Variants in IRS1 observed in about 807,000 individuals in gnomAD.
IRS1 encodes insulin receptor substrate 1.
Under a neutral mutation model 65.6 loss-of-function variants are expected in IRS1, and 34 were observed. The ratio of observed to expected loss-of-function variants is 0.52; its 90% CI spans 0.39 to 0.69. The LOEUF (loss-of-function observed/expected upper bound fraction) is 0.69. IRS1 is among the 30% of genes least tolerant of loss of function. IRS1 has a pLI of 0.00. For synonymous variants in IRS1, 699 were observed against 683.5 expected (o/e 1.02, Z -0.35); for missense variants, 1,641 against 1,720.2 (o/e 0.95, Z 0.81).
At chr2:226,777,745 A>G (rs970208186) in intron 1 of IRS1, among the ~76,000 whole-genome samples, 1 of 152,150 alleles carries the variant, frequency 6.6e-6, no homozygotes. Context: ...TTCCATCCAC[A>G]TAAGATGTGA....
chr2:226,796,476 C>A lies in IRS1; in HGVS notation c.2263G>T (p.Asp755Tyr), dbSNP rs143341783. 1.8e-4 allele frequency: 286 copies of A among 1,613,654 alleles called. No homozygotes were observed. Among genetic ancestry groups the A allele is most frequent in the Non-Finnish European group, 2.2e-4 (254 of 1,180,042 alleles). Residue 755 changes from aspartate to tyrosine, a missense_variant, in exon 1 of 2, where the codon GAC (aspartate) becomes TAC (tyrosine). Asp to Tyr is a radical substitution (Grantham distance 160). Around this residue, in one of 3 missense-constraint regions of IRS1, gnomAD observed 1,324 missense variants for 1,361.0 expected, o/e 0.97. Transcript: ENST00000305123. ...SPSDCYYGPE[D>Y]PQHKPVLSYY... is the part of the protein sequence containing the mutation. Reference sequence around the variant, plus strand: ...GAGAGGACTGGCTTGTGCTGGGGGTCCTCAGGGCCGTAGTAGCAGTCGGAG... The same window carrying A: ...GAGAGGACTGGCTTGTGCTGGGGGTACTCAGGGCCGTAGTAGCAGTCGGAG...
chr2:226,772,677 T>TAAAAAAA (rs58764928), intron 1 of IRS1, among the ~76,000 whole-genome samples: 1 of 108,632 alleles, frequency 9.2e-6, no homozygotes, highest in African/African-American at 3.2e-5. Context: ...ACATGGACAG[T>TAAAAAAA]AAAAAAAAAA....
At chr2:226,748,625 C>T (rs537660398) in intron 1 of IRS1, among the ~76,000 whole-genome samples, 5 of 151,940 alleles carry the variant, frequency 3.3e-5, no homozygotes, top group African/African-American at 1.2e-4. Flanking sequence ...ATCCACACCT[C>T]GGAAGATAAT....
At chr2:226,782,123 C>T (rs1939395075) in intron 1 of IRS1, among the ~76,000 whole-genome samples, 1 of 151,696 alleles carries the variant, frequency 6.6e-6, no homozygotes, top group Non-Finnish European at 1.5e-5. Context: ...GGAAGGGGGG[C>T]AGAGGGAGCT....
intron 1 of IRS1, among the ~76,000 whole-genome samples, chr2:226,742,726 A>AAAAAAAAG (rs1431863272): frequency 1.4e-5 from 2 of 147,788 alleles, no homozygotes; most frequent in Non-Finnish European, 1.5e-5. Context: ...AAAAAAAAAA[A>AAAAAAAAG]AGAAGACCGA....
chr2:226,736,957 T>A (rs1399634329), intron 1 of IRS1, among the ~76,000 whole-genome samples: 1 of 152,118 alleles, frequency 6.6e-6, no homozygotes, highest in Non-Finnish European at 1.5e-5. Flanking sequence ...TTTTTATTAT[T>A]ATACTTTAAG....
At chr2:226,792,540 A>G (rs1296895440) in intron 1 of IRS1, among the ~76,000 whole-genome samples, 1 of 152,254 alleles carries the variant, frequency 6.6e-6, no homozygotes, top group Non-Finnish European at 1.5e-5. Context: ...ACTGGACTAC[A>G]GGTAAAGCAG....
At chr2:226,740,754 A>G (rs1475731186) in intron 1 of IRS1, among the ~76,000 whole-genome samples, 1 of 152,214 alleles carries the variant, frequency 6.6e-6, no homozygotes, top group African/African-American at 2.4e-5. Context: ...GGGAAATAAG[A>G]GTAAAATATT....
rs763278208 is a variant in IRS1, at chr2:226,735,084, G to A, written c.*1188C>T. ...AACACTTACTGGAATTTTAATTTCT[G>A]GTTAGCAACAGCTCACTTGCCTTAC... On this transcript the variant is annotated 3_prime_UTR_variant, in exon 2 of 2. Coordinates refer to ENST00000305123, the MANE Select transcript of IRS1 (RefSeq NM_005544.3). The A allele has an allele frequency of 6.6e-6, 1 of 152,128 alleles. No homozygotes were observed. Among genetic ancestry groups the A allele is most frequent in the Non-Finnish European group, 1.5e-5 (1 of 68,020 alleles). The allele number at this position is 152,128 out of a possible 1,614,324, so 9.4% of individuals were successfully genotyped here. A position where few individuals can be genotyped will look rare whatever the true frequency, so the allele number is the denominator to read the frequency against.
intron 1 of IRS1, among the ~76,000 whole-genome samples, chr2:226,762,850 A>C (rs1253273436): frequency 6.6e-6 from 1 of 152,230 alleles, no homozygotes; most frequent in East Asian, 1.9e-4. Flanking sequence ...AATCAGCTCA[A>C]AGTGACAAGC....
At position 226,735,651 on chromosome 2, in the gene IRS1, A is replaced by T. The variant is rs1938310480; in HGVS notation, c.*621T>A. 6.6e-6 allele frequency: 1 copy of T among 152,646 alleles called. No homozygotes were observed. Among genetic ancestry groups the T allele is most frequent in the Non-Finnish European group, 1.5e-5 (1 of 68,040 alleles). The allele number at this position is 152,646 out of a possible 1,614,324, so 9.5% of individuals were successfully genotyped here. A position where few individuals can be genotyped will look rare whatever the true frequency, so the allele number is the denominator to read the frequency against. The stretch of plus-strand genomic sequence containing the variant: ...GAATTACAATCTTAAAACAAGGATC[A>T]TACCCTATTCTACTCTTTTAAGCCT... On this transcript the variant is annotated 3_prime_UTR_variant, in exon 2 of 2. Transcript: ENST00000305123.
rs183414071 is a variant in IRS1, at chr2:226,795,447, T to A, written c.3292A>T (p.Arg1098Trp). 1.1e-5 allele frequency: 18 copies of A among 1,613,536 alleles called. No homozygotes were observed. The highest frequency in any genetic ancestry group is 1.6e-4 in the Middle Eastern group (1 of 6,062). Residue 1098 changes from arginine (R) to tryptophan (W), a missense_variant, in exon 1 of 2, where the codon AGG becomes TGG. Physicochemically the swap from Arg to Trp is moderately radical, Grantham distance 101. This residue lies in a region of IRS1 where 1,324 missense variants were observed against 1,361.0 expected (regional missense o/e 0.97). Transcript: ENST00000305123. ...IRADPQGCRR[R>W]HSSETFSSTP... ...GAGGAGAAAGTCTCGGAGCTATGCC[T>A]CCGCCGGCACCCTTGTGGGTCTGCA... is the stretch of plus-strand genomic sequence containing the variant.
chr2:226,760,498 A>T (rs1938896304), intron 1 of IRS1, among the ~76,000 whole-genome samples: 1 of 152,274 alleles, frequency 6.6e-6, no homozygotes, highest in Admixed American at 6.5e-5. Context: ...ACATGCGGTC[A>T]TAATTTTTTT....
Position 226,797,790 on chromosome 2 carries a change from C to A in IRS1, c.949G>T (p.Val317Leu). ...CGGAAGGAGCCTGGCTTCCCGCCCA[C>A]CATGCTGGCCGGGGAGGTGGCGGTG... ...SITATSPASM[V>L]GGKPGSFRVR... is the part of the protein sequence containing the mutation. Residue 317 changes from valine (V) to leucine (L), a missense_variant, in exon 1 of 2, where the codon GTG (valine) becomes TTG (leucine). By Grantham distance (32) the Val-to-Leu change is conservative. Around this residue, in one of 3 missense-constraint regions of IRS1, gnomAD observed 1,324 missense variants for 1,361.0 expected, o/e 0.97. Transcript: ENST00000305123. This position sits in a 1 kb window ranked among gnomAD's most constrained non-coding sequence, Gnocchi z 8.1. The A allele has an allele frequency of 6.3e-7, 1 of 1,596,944 alleles. No individual in the cohort carries two copies. Among genetic ancestry groups the A allele is most frequent in the African/African-American group, 1.3e-5 (1 of 74,872 alleles).
intron 1 of IRS1, among the ~76,000 whole-genome samples, chr2:226,788,549 G>A (rs967125172): frequency 6.6e-6 from 1 of 152,124 alleles, no homozygotes; most frequent in African/African-American, 2.4e-5. Context: ...AAAATGGAAA[G>A]TGTTCCTTTT....
intron 1 of IRS1, among the ~76,000 whole-genome samples, chr2:226,771,264 G>C (rs1574653163): frequency 6.6e-6 from 1 of 152,198 alleles, no homozygotes; most frequent in East Asian, 1.9e-4. Context: ...GGCTGCTGAG[G>C]AGTTTATAGC....
intron 1 of IRS1, among the ~76,000 whole-genome samples, chr2:226,772,078 G>C (rs1008256412): frequency 3.3e-5 from 5 of 152,078 alleles, no homozygotes; most frequent in Non-Finnish European, 7.3e-5. Flanking sequence ...TATCTTTTCA[G>C]GCACTCAATC....
intron 1 of IRS1, among the ~76,000 whole-genome samples, chr2:226,760,501 A>AT (rs544942467): frequency 5.3e-5 from 8 of 152,012 alleles, no homozygotes; most frequent in Non-Finnish European, 1.0e-4. Flanking sequence ...TGCGGTCATA[A>AT]TTTTTTTTAC....
chr2:226,744,901 A>T (rs1938507719), intron 1 of IRS1, among the ~76,000 whole-genome samples: 1 of 152,128 alleles, frequency 6.6e-6, no homozygotes, highest in Admixed American at 6.5e-5. Context: ...AAACGTTGAG[A>T]AGAATTTGAT....
Sources: gnomAD v4.1 joint callset for allele counts (sites outside exome capture counted in the v4.1 genomes callset) on GRCh38, gnomAD v4.1.1 for gene constraint, gnomAD v4.1.1 regional missense constraint, Gnocchi (gnomAD v3.1) non-coding constraint, MANE v1.5 for transcripts, NCBI Gene and HGNC (gene_info 2026-07-23, HGNC 2026-07-21) for gene names.